Variants in NAV2 observed in about 807,000 individuals in gnomAD.
NAV2 encodes the protein helicase, APC down-regulated 1.
A neutral mutation model predicts 223.2 loss-of-function variants in NAV2; 54 were observed. The observed-to-expected ratio is 0.24, with a 90% CI of 0.19 to 0.30. The LOEUF (loss-of-function observed/expected upper bound fraction) is 0.30. NAV2 is among the 10% of genes least tolerant of loss of function. NAV2 has a pLI of 1.00. For synonymous variants in NAV2, 1,279 were observed against 1,239.3 expected (o/e 1.03, Z -0.67); for missense variants, 2,806 against 3,147.5 (o/e 0.89, Z 2.60).
chr11:19,890,284 A>C (rs763095187), intron 5 of NAV2, among the ~76,000 whole-genome samples: 4 of 152,172 alleles, frequency 2.6e-5, no homozygotes, highest in Non-Finnish European at 4.4e-5. Flanking sequence ...TGCCTCACAG[A>C]GGACCAGACT....
Position 19,363,943 on chromosome 11 carries a change from C to T in NAV2, c.75+12916C>T, listed in dbSNP as rs551121363. ...TCCAGGCCTCTCTAGGGCCTCCACCCGCCCAGCACTTCCCTGTGTTCTTCA... is the reference window on the plus strand; with the variant it reads ...TCCAGGCCTCTCTAGGGCCTCCACCTGCCCAGCACTTCCCTGTGTTCTTCA... On this transcript the variant is annotated intron_variant, in intron 1 of 37. Transcript: ENST00000360655. 5.3e-5 allele frequency among the ~76,000 whole-genome samples: 8 copies of T among 152,334 alleles called. No homozygotes were observed. In the South Asian group the frequency reaches 6.2e-4, roughly 12 times the overall value.
chr11:19,386,536 C>G (rs1849049459), intron 1 of NAV2, among the ~76,000 whole-genome samples: 2 of 152,164 alleles, frequency 1.3e-5, no homozygotes, highest in African/African-American at 4.8e-5. Context: ...TTCTCAGAGA[C>G]AGCGGGAGAC....
intron 1 of NAV2, among the ~76,000 whole-genome samples, chr11:19,764,822 C>G (rs1377943611): frequency 6.6e-6 from 1 of 152,208 alleles, no homozygotes; most frequent in Non-Finnish European, 1.5e-5. Flanking sequence ...GACTGTTTCT[C>G]CCTTAGTCTT....
At chr11:20,084,087 CTTTTGG>C (rs1343825603) in intron 26 of NAV2, among the ~76,000 whole-genome samples, 1 of 152,100 alleles carries the variant, frequency 6.6e-6, no homozygotes, top group Admixed American at 6.5e-5. Flanking sequence ...TTATGACCTT[CTTTTGG>C]TTTTGGTTTT....
intron 26 of NAV2, among the ~76,000 whole-genome samples, chr11:20,089,823 T>C (rs1234690915): frequency 6.6e-6 from 1 of 152,192 alleles, no homozygotes; most frequent in Admixed American, 6.5e-5. Flanking sequence ...AGAGCAAACC[T>C]AAGTAACTAA....
intron 10 of NAV2, among the ~76,000 whole-genome samples, chr11:19,964,048 C>T (rs1450695554): frequency 6.6e-6 from 1 of 152,158 alleles, no homozygotes; most frequent in Non-Finnish European, 1.5e-5. Flanking sequence ...CTCAGCGCCA[C>T]CCTGAGACCT....
At chr11:19,435,212 C>T (rs923537812) in intron 1 of NAV2, among the ~76,000 whole-genome samples, 1 of 152,116 alleles carries the variant, frequency 6.6e-6, no homozygotes, top group African/African-American at 2.4e-5. Context: ...CAATGTCTTG[C>T]CTTTCCCTGT....
At chr11:19,748,447 C>A (rs2053550696) in intron 1 of NAV2, among the ~76,000 whole-genome samples, 2 of 152,168 alleles carry the variant, frequency 1.3e-5, no homozygotes, top group Admixed American at 6.5e-5. Context: ...GATTTGAATC[C>A]TCCCTCTGCT....
chr11:20,066,687 C>T (rs944270150), intron 20 of NAV2, among the ~76,000 whole-genome samples: 1 of 152,174 alleles, frequency 6.6e-6, no homozygotes, highest in Non-Finnish European at 1.5e-5. Context: ...ATCATACCCA[C>T]TTTGTATTGT....
At chr11:19,346,499 T>A (rs1042855144), upstream of NAV2, among the ~76,000 whole-genome samples, 2 of 152,202 alleles carry the variant, frequency 1.3e-5, no homozygotes, top group Non-Finnish European at 2.9e-5. Context: ...GCCTCCCGGG[T>A]GTGCGCTCCG....
intron 11 of NAV2, among the ~76,000 whole-genome samples, chr11:20,035,655 GT>G (rs1404443211): frequency 6.6e-6 from 1 of 152,148 alleles, no homozygotes; most frequent in Non-Finnish European, 1.5e-5. Flanking sequence ...GAACAAATTG[GT>G]TTCCATAAAA....
chr11:19,631,985 T>C (rs1158668243), intron 1 of NAV2, among the ~76,000 whole-genome samples: 1 of 152,256 alleles, frequency 6.6e-6, no homozygotes, highest in African/African-American at 2.4e-5. Context: ...TTTGTTTGCA[T>C]TCCAGCTGTG....
At chr11:19,745,071 A>T (rs928605567) in intron 1 of NAV2, among the ~76,000 whole-genome samples, 1 of 152,200 alleles carries the variant, frequency 6.6e-6, no homozygotes, top group Non-Finnish European at 1.5e-5. Context: ...GCAGGGTTGT[A>T]CTGTCACCAG....
chr11:20,053,601 C>G (rs2058167555), intron 17 of NAV2, among the ~76,000 whole-genome samples: 1 of 152,234 alleles, frequency 6.6e-6, no homozygotes, highest in Non-Finnish European at 1.5e-5. Context: ...CTATAAGCAT[C>G]AGTGTCCTCA....
rs375862995 is a variant in NAV2, at chr11:20,107,698, G to A, written c.6876G>A (p.Val2292=). The part of the protein sequence containing the change: ...PRLFLSCPID[V]DGSRVWFTDL... ...TCTTCCTGTCATGCCCCATCGATGTGGACGGCTCGAGAGTGTGGTTCACCG... is the reference window on the plus strand; with the variant it reads ...TCTTCCTGTCATGCCCCATCGATGTAGACGGCTCGAGAGTGTGGTTCACCG... The change falls in exon 36 of 38, where the codon GTG becomes GTA. Residue 2292 remains valine, a synonymous_variant. Transcript: ENST00000349880. 252 of 1,614,022 alleles carry A rather than the reference G, an allele frequency of 1.6e-4. No homozygotes were observed. Among genetic ancestry groups the A allele is most frequent in the Admixed American group, 2.7e-4 (16 of 60,004 alleles).
chr11:19,634,825 A>G (rs1234105517), intron 1 of NAV2, among the ~76,000 whole-genome samples: 3 of 152,346 alleles, frequency 2.0e-5, no homozygotes, highest in East Asian at 3.9e-4. Flanking sequence ...TAGGCTTCCC[A>G]GAATAAGTGA....
intron 3 of NAV2, among the ~76,000 whole-genome samples, chr11:19,851,989 G>A (rs756494624): frequency 6.6e-6 from 1 of 152,218 alleles, no homozygotes; most frequent in Non-Finnish European, 1.5e-5. Flanking sequence ...TTTGAAGGTG[G>A]AAGAAGGGGC....
chr11:19,618,408 G>GGATGAATGAATA (rs1565105315), intron 1 of NAV2, among the ~76,000 whole-genome samples: 28 of 142,216 alleles, frequency 2.0e-4, no homozygotes, highest in African/African-American at 5.4e-4. Context: ...ATAGATGGAT[G>GGATGAATGAATA]GATGGATGGA....
chr11:19,369,524 A>C (rs75554776), intron 1 of NAV2, among the ~76,000 whole-genome samples: 2,410 of 152,254 alleles, frequency 0.016, 64 homozygotes, highest in African/African-American at 0.054. Flanking sequence ...TGAGGGTTTT[A>C]ATGCTGTGTG....
Sources: allele counts gnomAD v4.1 joint callset (sites outside exome capture counted in the v4.1 genomes callset), GRCh38; gene constraint gnomAD v4.1.1; transcripts MANE v1.5; gene names NCBI Gene and HGNC (gene_info 2026-07-23, HGNC 2026-07-21).